Variants in PCDHGA4 observed in about 807,000 individuals in gnomAD.
The protein encoded by PCDHGA4 is protocadherin gamma-A4.
PCDHGA4 carries 38 observed loss-of-function variants against 54.6 expected under a neutral mutation model. That is an observed-to-expected ratio of 0.70 (90% CI 0.54 to 0.91). The LOEUF is 0.91. Among genes scored for constraint, PCDHGA4 ranks in the 40% least tolerant of loss-of-function variants. The pLI is 0.00. For missense variants in PCDHGA4, 1,298 were observed against 1,220.9 expected (o/e 1.06, Z -0.94); for synonymous variants, 511 against 512.9 (o/e 1.00, Z 0.05).
chr5:141,507,781 C>A (rs2099863256), intron 3 of PCDHGA4, among the ~76,000 whole-genome samples: 1 of 152,214 alleles, frequency 6.6e-6, no homozygotes, highest in South Asian at 2.1e-4. Flanking sequence ...CAGGGCCTGA[C>A]CCTCGTCTAA....
At chr5:141,422,420 C>A in intron 1 of PCDHGA4, 2 of 1,607,576 alleles carry the variant, frequency 1.2e-6, no homozygotes, top group Non-Finnish European at 1.7e-6. Context: ...TTAGAAAAGA[C>A]TTATGGAAAT....
chr5:141,359,213 C>T (rs1441871406), intron 1 of PCDHGA4, among the ~76,000 whole-genome samples: 3 of 152,010 alleles, frequency 2.0e-5, no homozygotes, highest in Admixed American at 1.3e-4. Context: ...TGAGAGACAA[C>T]TTACATCTGA....
chr5:141,435,558 T>C (rs1401876733), intron 1 of PCDHGA4, among the ~76,000 whole-genome samples: 1 of 152,136 alleles, frequency 6.6e-6, no homozygotes, highest in Non-Finnish European at 1.5e-5. Flanking sequence ...TTTTGAGTGC[T>C]TTTTTTAGTA....
At chr5:141,498,318 G>T (rs927950671) in intron 2 of PCDHGA4, among the ~76,000 whole-genome samples, 2 of 151,792 alleles carry the variant, frequency 1.3e-5, no homozygotes, top group African/African-American at 4.8e-5. Flanking sequence ...TGCCTACACA[G>T]AAGGAAGAGC....
Position 141,487,418 on chromosome 5 carries a change from A to T in PCDHGA4, c.2515-7389A>T. ...GGAGGGGCTTCCCCCTTCCAATGGG[A>T]TCCTCCGAATCCAGCTAGGGTCAGA... On this transcript the variant is annotated intron_variant, in intron 1 of 3. Transcript: ENST00000571252. The surrounding 1 kb of genome is among the most constrained non-coding windows in gnomAD (Gnocchi z 5.0). The T allele has an allele frequency of 6.2e-7, 1 of 1,614,060 alleles. No homozygotes were observed. The highest frequency in any genetic ancestry group is 8.5e-7 in the Non-Finnish European group (1 of 1,179,998).
chr5:141,456,122 C>A (rs1411002229), intron 1 of PCDHGA4, among the ~76,000 whole-genome samples: 1 of 152,176 alleles, frequency 6.6e-6, no homozygotes, highest in East Asian at 1.9e-4. Context: ...TGGTCTCCAT[C>A]TCCTGACCTC....
At chr5:141,387,386 A>G (rs1451460616) in intron 1 of PCDHGA4, among the ~76,000 whole-genome samples, 14 of 152,232 alleles carry the variant, frequency 9.2e-5, no homozygotes, top group Non-Finnish European at 1.5e-5. Flanking sequence ...TTATATAGAT[A>G]GTGCATGTTT....
intron 1 of PCDHGA4, among the ~76,000 whole-genome samples, chr5:141,442,921 CATTTTCTA>C (rs1366534082): frequency 6.6e-6 from 1 of 152,196 alleles, no homozygotes. Context: ...ACAACTGTTT[CATTTTCTA>C]TTTAAGAAAC....
intron 1 of PCDHGA4, chr5:141,420,079 C>T (rs1362049053): frequency 6.2e-7 from 1 of 1,613,998 alleles, no homozygotes; most frequent in Non-Finnish European, 8.5e-7. Flanking sequence ...CTGTGGGTCC[C>T]CCCAACTACA....
At chr5:141,462,157 A>C (rs1232551906) in intron 1 of PCDHGA4, among the ~76,000 whole-genome samples, 1 of 151,394 alleles carries the variant, frequency 6.6e-6, no homozygotes, top group African/African-American at 2.4e-5. Flanking sequence ...ATGGGGTTTC[A>C]TCATGTTGGC....
intron 1 of PCDHGA4, chr5:141,403,564 G>A (rs2094422320): frequency 2.5e-6 from 4 of 1,613,834 alleles, no homozygotes; most frequent in Non-Finnish European, 2.5e-6. Context: ...ACAGGGAGGA[G>A]GCAACTGCCC....
At chr5:141,443,131 A>C (rs1042010214) in intron 1 of PCDHGA4, among the ~76,000 whole-genome samples, 2 of 152,144 alleles carry the variant, frequency 1.3e-5, no homozygotes, top group African/African-American at 4.8e-5. Flanking sequence ...GATTAAGAAC[A>C]CTATCATAAG....
chr5:141,422,328 TGCTCTTCTAAA>T (rs2096641385), intron 1 of PCDHGA4: 1 of 1,548,384 alleles, frequency 6.5e-7, no homozygotes, highest in Admixed American at 2.1e-5. Flanking sequence ...GTACAGTGAT[TGCTCTTCTAAA>T]TGTGCAAGAT....
At chr5:141,395,497 A>T in intron 1 of PCDHGA4, 1 of 472,724 alleles carries the variant, frequency 2.1e-6, no homozygotes, top group Non-Finnish European at 3.7e-6. Flanking sequence ...TCACTCATTC[A>T]CTTAAGAAGT....
At chr5:141,452,016 A>G (rs988436326) in intron 1 of PCDHGA4, among the ~76,000 whole-genome samples, 5 of 152,084 alleles carry the variant, frequency 3.3e-5, no homozygotes, top group Non-Finnish European at 5.9e-5. Flanking sequence ...TCCAGCCCAC[A>G]CTCTGGGGAG....
At position 141,486,094 on chromosome 5, in the gene PCDHGA4, C is replaced by G. The variant is rs749887136; in HGVS notation, c.2515-8713C>G. 2 of 1,614,112 alleles carry G rather than the reference C, an allele frequency of 1.2e-6. No homozygotes were observed. Among genetic ancestry groups the G allele is most frequent in the Admixed American group, 3.3e-5 (2 of 60,018 alleles). ...CTGGAAAGCTTACTCTTTTGGGGCCCCTAGACTTTGAGAGTGAGAATTACT... is the reference window on the plus strand; with the variant it reads ...CTGGAAAGCTTACTCTTTTGGGGCCGCTAGACTTTGAGAGTGAGAATTACT... On this transcript the variant is annotated intron_variant, in intron 1 of 3. Coordinates refer to ENST00000571252, the MANE Select transcript of PCDHGA4 (RefSeq NM_018917.4). The surrounding 1 kb of genome is among the most constrained non-coding windows in gnomAD (Gnocchi z 5.0).
intron 1 of PCDHGA4, among the ~76,000 whole-genome samples, chr5:141,464,019 C>A (rs1285414825): frequency 2.0e-5 from 3 of 151,984 alleles, no homozygotes; most frequent in African/African-American, 4.8e-5. Context: ...TAATCCCACA[C>A]TTTGGGAGGC....
Position 141,431,010 on chromosome 5 carries a change from T to G in PCDHGA4, c.2515-63797T>G. 2 of 1,613,972 alleles carry G rather than the reference T, an allele frequency of 1.2e-6. No individual in the cohort carries two copies. The highest frequency in any genetic ancestry group is 1.7e-6 in the Non-Finnish European group (2 of 1,179,964). The stretch of plus-strand genomic sequence containing the variant: ...GCCCTGAATCCGCGCAGCGGCAGCT[T>G]GGTCACGGCGGGCAGGATAGACCGG... On this transcript the variant is annotated intron_variant, in intron 1 of 3. Transcript: ENST00000571252. The surrounding 1 kb of genome is among the most constrained non-coding windows in gnomAD (Gnocchi z 4.8).
intron 1 of PCDHGA4, chr5:141,410,489 G>T (rs1233643247): frequency 1.9e-6 from 3 of 1,613,854 alleles, no homozygotes; most frequent in Non-Finnish European, 1.7e-6. Context: ...GGGTACAAAA[G>T]AGTTTAATTT....
Sources: gnomAD v4.1 joint callset for allele counts (sites outside exome capture counted in the v4.1 genomes callset) on GRCh38, gnomAD v4.1.1 for gene constraint, Gnocchi (gnomAD v3.1) non-coding constraint, MANE v1.5 for transcripts, NCBI Gene and HGNC (gene_info 2026-07-23, HGNC 2026-07-21) for gene names.